Variants in SCD observed in about 807,000 individuals in gnomAD.
The protein encoded by SCD is stearoyl-CoA desaturase, also known as acyl-CoA desaturase.
Under a neutral mutation model 35.7 loss-of-function variants are expected in SCD, and 4 were observed. The observed-to-expected ratio is 0.11, with a 90% CI of 0.06 to 0.26. The LOEUF (loss-of-function observed/expected upper bound fraction) is 0.26, where lower values mean the gene tolerates loss of function less well. Among genes scored for constraint, SCD ranks in the 10% least tolerant of loss-of-function variants. SCD has a pLI of 1.00. For missense variants in SCD, 282 were observed against 460.7 expected (o/e 0.61, Z 3.55); for synonymous variants, 150 against 170.2 (o/e 0.88, Z 0.92).
At chr10:100,348,651 C>T (rs941466798) in intron 2 of SCD, among the ~76,000 whole-genome samples, 3 of 152,108 alleles carry the variant, frequency 2.0e-5, no homozygotes, top group African/African-American at 2.4e-5. Flanking sequence ...TGCTTGGCTG[C>T]CTGTCCCACC....
At chr10:100,354,294 C>A in intron 3 of SCD, 133 bp from the exon 4 acceptor site, 1 of 786,800 alleles carries the variant, frequency 1.3e-6, no homozygotes, top group Non-Finnish European at 2.1e-6. Flanking sequence ...TCCATGACTC[C>A]TTTGGAGCCC....
intron 2 of SCD, among the ~76,000 whole-genome samples, chr10:100,350,261 AG>A (rs1173092770): frequency 6.6e-6 from 1 of 152,062 alleles, no homozygotes; most frequent in Non-Finnish European, 1.5e-5. Context: ...TGAGGGGAGG[AG>A]GGTCAGAGGT....
chr10:100,351,975 A>G (rs1849877037), intron 2 of SCD, among the ~76,000 whole-genome samples: 1 of 152,082 alleles, frequency 6.6e-6, no homozygotes, highest in African/African-American at 2.4e-5. Context: ...ACCCTGGCTT[A>G]TGGGTTCTGA....
chr10:100,358,209 C>T (rs897801309), intron 5 of SCD, among the ~76,000 whole-genome samples: 8 of 152,112 alleles, frequency 5.3e-5, no homozygotes, highest in African/African-American at 1.9e-4. Flanking sequence ...CCATGTTGCA[C>T]AGGCTGGTCT....
In SCD at chr10:100,357,267, G is replaced by A. The variant is rs114640771; in HGVS notation, c.880+503G>A. On this transcript the variant is annotated intron_variant, in intron 5 of 5. Coordinates refer to ENST00000370355, the MANE Select transcript of SCD (RefSeq NM_005063.5). ...GGACTGCAGTCTTGCTTGAGGCAAG[G>A]AATGCATAAATAGAACAATGGGATC... 1.4e-3 allele frequency among the ~76,000 whole-genome samples: 215 copies of A among 152,354 alleles called. 1 individual carries two copies. The highest frequency in any genetic ancestry group is 4.9e-3 in the African/African-American group (203 of 41,594).
Position 100,348,224 on chromosome 10 carries a change from A to G in SCD, c.188A>G (p.Glu63Gly), listed in dbSNP as rs780976882. 6.2e-7 allele frequency: 1 copy of G among 1,614,026 alleles called. No homozygotes were observed. The highest frequency in any genetic ancestry group is 8.5e-7 in the Non-Finnish European group (1 of 1,180,030). The change falls in exon 2 of 6, where the codon GAA (glutamate) becomes GGA (glycine). Residue 63 changes from glutamate to glycine, a missense_variant. Glu to Gly is a moderately conservative substitution (Grantham distance 98). Around this residue, in one of 2 missense-constraint regions of SCD, gnomAD observed 77 missense variants for 88.4 expected, o/e 0.87. Coordinates refer to ENST00000370355, the MANE Select transcript of SCD (RefSeq NM_005063.5). ...DIYDPTYKDK[E>G]GPSPKVEYVW... is the part of the protein sequence containing the mutation. ...TATGACCCCACCTACAAGGATAAGG[A>G]AGGCCCAAGCCCCAAGGTTGAATAT... is the stretch of plus-strand genomic sequence containing the variant.
chr10:100,352,229 C>T lies in SCD; in HGVS notation c.311-137C>T. The T allele has an allele frequency of 1.3e-6, 1 of 752,142 alleles. No homozygotes were observed. Among genetic ancestry groups the T allele is most frequent in the Non-Finnish European group, 2.1e-6 (1 of 470,198 alleles). 46.6% of individuals were successfully genotyped at this position (752,142 alleles called of 1,614,324 possible). Reference sequence around the variant, plus strand: ...TAAAATCTAAGGGATGTGGTTATCCCTAGAGTTCATGGTAAAGCCAGTTCT... The same window carrying T: ...TAAAATCTAAGGGATGTGGTTATCCTTAGAGTTCATGGTAAAGCCAGTTCT... On this transcript the variant is annotated intron_variant, in intron 2 of 5. Transcript: ENST00000370355. The surrounding 1 kb of genome is among the most constrained non-coding windows in gnomAD (Gnocchi z 4.2).
rs1052405933 is a variant in SCD at position 100,364,133 on chromosome 10, T to TG, written c.*3203dup. 33 of 150,456 alleles carry TG rather than the reference T, an allele frequency of 2.2e-4. No individual in the cohort carries two copies. The highest frequency in any genetic ancestry group is 1.3e-4 in the Non-Finnish European group (9 of 67,874). 9.3% of individuals were successfully genotyped at this position (150,456 alleles called of 1,614,324 possible). A position where few individuals can be genotyped will look rare whatever the true frequency, so the allele number is the denominator to read the frequency against. ...GATTTATAAGTTTTTTTTTTTTTTT[T>TG]GGGTTAAAAGATGGTTGTAGCATTT... On this transcript the variant is annotated 3_prime_UTR_variant, in exon 6 of 6. Coordinates refer to ENST00000370355, the MANE Select transcript of SCD (RefSeq NM_005063.5).
At chr10:100,348,802 A>C (rs953009005) in intron 2 of SCD, among the ~76,000 whole-genome samples, 2 of 152,200 alleles carry the variant, frequency 1.3e-5, no homozygotes, top group Admixed American at 1.3e-4. Context: ...TTTATTGGAA[A>C]GGGAGGAGAG....
intron 2 of SCD, among the ~76,000 whole-genome samples, chr10:100,351,958 T>A (rs1849876832): frequency 6.6e-6 from 1 of 152,202 alleles, no homozygotes; most frequent in Non-Finnish European, 1.5e-5. Context: ...GCTGTTATTT[T>A]AATAACACCC....
At chr10:100,360,346 G>C (rs900644347) in intron 5 of SCD, among the ~76,000 whole-genome samples, 1 of 152,230 alleles carries the variant, frequency 6.6e-6, no homozygotes, top group African/African-American at 2.4e-5. Flanking sequence ...CTTCTCTCTA[G>C]TCATTTTATC....
At position 100,352,576 on chromosome 10, in the gene SCD, A is replaced by G. The variant is rs1359928944; in HGVS notation, c.441+80A>G. On this transcript the variant is annotated intron_variant, in intron 3 of 5. Coordinates refer to ENST00000370355, the MANE Select transcript of SCD (RefSeq NM_005063.5). The surrounding 1 kb of genome is among the most constrained non-coding windows in gnomAD (Gnocchi z 4.2). ...GACAGAAAGGAGGGATCAGCACCAG[A>G]GAGGAGCCACACCTGACAGCCATTT... The G allele has an allele frequency of 2.2e-6, 3 of 1,394,848 alleles. No individual in the cohort carries two copies. The highest frequency in any genetic ancestry group is 4.6e-5 in the East Asian group (2 of 43,390). The allele number at this position is 1,394,848 out of a possible 1,614,324, so 86.4% of individuals were successfully genotyped here. A position where few individuals can be genotyped will look rare whatever the true frequency, so the allele number is the denominator to read the frequency against.
At chr10:100,351,274 AG>A (rs1437618908) in intron 2 of SCD, among the ~76,000 whole-genome samples, 1 of 152,174 alleles carries the variant, frequency 6.6e-6, no homozygotes, top group African/African-American at 2.4e-5. Flanking sequence ...GCCTCCAGGA[AG>A]GTGAGGGAAG....
intron 1 of SCD, 66 bp from the exon 2 acceptor site, chr10:100,347,998 A>G (rs1250851374): frequency 6.7e-6 from 10 of 1,494,622 alleles, no homozygotes; most frequent in Admixed American, 1.8e-5. Context: ...GTGATTAGAG[A>G]GCGGAGTGGC....
intron 2 of SCD, among the ~76,000 whole-genome samples, chr10:100,348,625 T>C (rs1287808468): frequency 6.6e-6 from 1 of 152,150 alleles, no homozygotes; most frequent in Admixed American, 6.5e-5. Context: ...GAAAGAGCTT[T>C]TCTGTTTGAG....
intron 2 of SCD, among the ~76,000 whole-genome samples, chr10:100,350,982 G>A (rs892039077): frequency 3.3e-5 from 5 of 152,200 alleles, no homozygotes; most frequent in Non-Finnish European, 7.4e-5. Flanking sequence ...AGGAGGTAGG[G>A]TTGGGGGGAA....
At position 100,356,505 on chromosome 10, in the gene SCD, G is replaced by T; in HGVS notation, c.648-27G>T. The stretch of plus-strand genomic sequence containing the variant: ...TGTAGGTGTGGAGTCCCCCTCCATT[G>T]ACCTGGTGTCTGGTCTGTCAATGTA... On this transcript the variant is annotated intron_variant, in intron 4 of 5. Transcript: ENST00000370355. The surrounding 1 kb of genome is among the most constrained non-coding windows in gnomAD (Gnocchi z 4.1). 2 of 1,568,130 alleles carry T rather than the reference G, an allele frequency of 1.3e-6. No individual in the cohort carries two copies. The highest frequency in any genetic ancestry group is 2.2e-5 in the South Asian group (2 of 90,026).
rs569748533 is a variant in SCD at position 100,351,771 on chromosome 10, G to C, written c.311-595G>C. On this transcript the variant is annotated intron_variant, in intron 2 of 5. Coordinates refer to ENST00000370355, the MANE Select transcript of SCD (RefSeq NM_005063.5). Reference sequence around the variant, plus strand: ...TCCTCCCACCTCAACCTCTTGAGTAGCTGAGACCACAGGCAGGTGCCACCA... The same window carrying C: ...TCCTCCCACCTCAACCTCTTGAGTACCTGAGACCACAGGCAGGTGCCACCA... Among the ~76,000 whole-genome samples the C allele has an allele frequency of 5.3e-5, 8 of 152,248 alleles. 1 individual carries two copies. The East Asian group carries it at 1.5e-3, about 29-fold the overall frequency.
At position 100,362,558 on chromosome 10, in the gene SCD, C is replaced by T. The variant is rs1382002426; in HGVS notation, c.*1625C>T. 1 of 152,332 alleles carries T rather than the reference C, an allele frequency of 6.6e-6. No homozygotes were observed. Among genetic ancestry groups the T allele is most frequent in the Admixed American group, 6.5e-5 (1 of 15,290 alleles). The allele number at this position is 152,332 out of a possible 1,614,324, so 9.4% of individuals were successfully genotyped here. A position where few individuals can be genotyped will look rare whatever the true frequency, so the allele number is the denominator to read the frequency against. On this transcript the variant is annotated 3_prime_UTR_variant, in exon 6 of 6. Transcript: ENST00000370355. ...CTGAACGTTTTCTTCTTTCCCTGGA[C>T]AGGCAGCCTCCTTTGTGTGTATTCA...
Sources: gnomAD v4.1 joint callset for allele counts (sites outside exome capture counted in the v4.1 genomes callset) on GRCh38, gnomAD v4.1.1 for gene constraint, gnomAD v4.1.1 regional missense constraint, Gnocchi (gnomAD v3.1) non-coding constraint, MANE v1.5 for transcripts, NCBI Gene and HGNC (gene_info 2026-07-23, HGNC 2026-07-21) for gene names.